TNR: variants seen among roughly 807,000 people sequenced by gnomAD.
TNR encodes tenascin R.
A neutral mutation model predicts 150.4 loss-of-function variants in TNR; 45 were observed. That is an observed-to-expected ratio of 0.30 (90% CI 0.24 to 0.38). The LOEUF (loss-of-function observed/expected upper bound fraction) is 0.38. Ranked by LOEUF, TNR falls within the 10% of genes least tolerant of loss-of-function variation. The probability of loss-of-function intolerance (pLI) is 1.00; values close to 1 mark genes in which losing one functional copy is unlikely to be tolerated. For missense variants in TNR, 1,544 were observed against 1,759.1 expected, an observed-to-expected ratio of 0.88 and a Z score of 2.19; for synonymous variants, 687 against 678.4, an observed-to-expected ratio of 1.01 and a Z score of -0.20.
intron 1 of TNR, among the ~76,000 whole-genome samples, chr1:175,715,133 A>G (rs1667120107): frequency 6.6e-6 from 1 of 152,230 alleles, no homozygotes; most frequent in Non-Finnish European, 1.5e-5. Flanking sequence ...CAGGTTCTGC[A>G]TTTAACAATA....
At chr1:175,571,928 A>G (rs1174031448) in intron 1 of TNR, among the ~76,000 whole-genome samples, 3 of 151,974 alleles carry the variant, frequency 2.0e-5, no homozygotes, top group Non-Finnish European at 4.4e-5. Flanking sequence ...CATGCTTTCC[A>G]TGGAACCAGG....
chr1:175,676,926 C>A (rs1558068036), intron 1 of TNR, among the ~76,000 whole-genome samples: 1 of 152,204 alleles, frequency 6.6e-6, no homozygotes, highest in East Asian at 1.9e-4. Context: ...TCCTGCGACA[C>A]TGGGAGGAGG....
At chr1:175,541,144 G>C (rs1445627147) in intron 1 of TNR, among the ~76,000 whole-genome samples, 2 of 151,894 alleles carry the variant, frequency 1.3e-5, no homozygotes, top group African/African-American at 4.8e-5. Context: ...GACATTCCAG[G>C]GATGGGTTAG....
chr1:175,553,638 T>G (rs1661029969), intron 1 of TNR, among the ~76,000 whole-genome samples: 1 of 152,180 alleles, frequency 6.6e-6, no homozygotes, highest in East Asian at 1.9e-4. Flanking sequence ...GCTCCTCAGT[T>G]CTGCAGCATT....
At chr1:175,527,642 T>C (rs959539731) in intron 2 of TNR, among the ~76,000 whole-genome samples, 10 of 152,202 alleles carry the variant, frequency 6.6e-5, no homozygotes, top group African/African-American at 2.4e-4. Context: ...AGGAGCAAAA[T>C]ATTCACTGTG....
rs57107470 is a variant in TNR, at chr1:175,662,244, G to A, written c.-165+80982C>T. Among the ~76,000 whole-genome samples, 581 of 152,292 alleles carry A rather than the reference G, an allele frequency of 3.8e-3. 1 individual carries two copies. Among genetic ancestry groups the A allele is most frequent in the African/African-American group, 0.013 (553 of 41,550 alleles). ...GTGTTTTCTACATCACCCTATCAGC[G>A]TCTCAAGGCACTCTTCTATATGTCT... On this transcript the variant is annotated intron_variant, in intron 1 of 22. Coordinates refer to ENST00000367674, the MANE Select transcript of TNR (RefSeq NM_003285.3).
intron 9 of TNR, among the ~76,000 whole-genome samples, chr1:175,372,152 C>T (rs1652136865): frequency 6.6e-6 from 1 of 152,172 alleles, no homozygotes; most frequent in African/African-American, 2.4e-5. Context: ...TCCGGCTTCC[C>T]GCATGATTGT....
At chr1:175,544,600 A>G (rs767735076) in intron 1 of TNR, among the ~76,000 whole-genome samples, 19 of 152,240 alleles carry the variant, frequency 1.2e-4, no homozygotes, top group Non-Finnish European at 7.3e-5. Context: ...TCATAAGAAC[A>G]TAGGTATATT....
intron 2 of TNR, among the ~76,000 whole-genome samples, chr1:175,423,851 CAGA>C (rs1321273796): frequency 6.6e-6 from 1 of 152,118 alleles, no homozygotes; most frequent in African/African-American, 2.4e-5. Context: ...GGGTCAGAGC[CAGA>C]AGGAGAGGAG....
intron 1 of TNR, among the ~76,000 whole-genome samples, chr1:175,603,418 T>C (rs927260681): frequency 3.3e-5 from 5 of 152,238 alleles, no homozygotes; most frequent in Middle Eastern, 3.2e-3. Context: ...GAATCATTAA[T>C]AGAGAAATTT....
At position 175,406,303 on chromosome 1, in the gene TNR, G is replaced by A; in HGVS notation, c.412C>T (p.Leu138=). ...ASSAQVLQEL[L]SRIEMLEREV... is the part of the protein sequence containing the mutation. The stretch of plus-strand genomic sequence containing the variant: ...CTCTCCAGCATCTCGATCCGGCTCA[G>A]CAGCTCCTGCAGCACCTGGGCTGAA... The change falls in exon 3 of 23, where the codon CTG becomes TTG. Residue 138 remains leucine, a synonymous_variant. Coordinates refer to ENST00000367674, the MANE Select transcript of TNR (RefSeq NM_003285.3). 1.2e-6 allele frequency: 2 copies of A among 1,614,152 alleles called. No individual in the cohort carries two copies. Among genetic ancestry groups the A allele is most frequent in the South Asian group, 1.1e-5 (1 of 91,078 alleles).
chr1:175,483,250 G>A (rs1345833422), intron 2 of TNR, among the ~76,000 whole-genome samples: 2 of 152,196 alleles, frequency 1.3e-5, no homozygotes, highest in African/African-American at 4.8e-5. Context: ...GAGGTGCAGT[G>A]AGGGCCTAGG....
chr1:175,430,837 C>T (rs1270904435), intron 2 of TNR, among the ~76,000 whole-genome samples: 1 of 152,110 alleles, frequency 6.6e-6, no homozygotes, highest in Non-Finnish European at 1.5e-5. Context: ...AGGGAAACAT[C>T]ATTACTTAAA....
In TNR at chr1:175,320,413, G is replaced by A. The variant is rs1229511229; in HGVS notation, c.*2944C>T. On this transcript the variant is annotated 3_prime_UTR_variant, in exon 23 of 23. Coordinates refer to ENST00000367674, the MANE Select transcript of TNR (RefSeq NM_003285.3). ...AATCCTTTTATAGAGGGTTGAATAAGCTGATCTTTGAAGTCTCTTTCTTGC... is the reference window on the plus strand; with the variant it reads ...AATCCTTTTATAGAGGGTTGAATAAACTGATCTTTGAAGTCTCTTTCTTGC... The A allele has an allele frequency of 1.3e-5, 2 of 152,170 alleles. No individual in the cohort carries two copies. The highest frequency in any genetic ancestry group is 2.4e-5 in the African/African-American group (1 of 41,440). The allele number at this position is 152,170 out of a possible 1,614,324, so 9.4% of individuals were successfully genotyped here. A position where few individuals can be genotyped will look rare whatever the true frequency, so the allele number is the denominator to read the frequency against.
chr1:175,403,743 A>G, intron 3 of TNR, 127 bp from the exon 4 acceptor site: 1 of 778,978 alleles, frequency 1.3e-6, no homozygotes, highest in Non-Finnish European at 2.1e-6. Flanking sequence ...AGTGAAGCTC[A>G]ACGTAGTTTG....
chr1:175,367,666 G>A (rs1651906173), intron 9 of TNR, among the ~76,000 whole-genome samples: 1 of 152,142 alleles, frequency 6.6e-6, no homozygotes, highest in South Asian at 2.1e-4. Flanking sequence ...AATTTCGGGA[G>A]TATGTAATCA....
intron 1 of TNR, among the ~76,000 whole-genome samples, chr1:175,532,037 C>T (rs1014539957): frequency 6.6e-6 from 1 of 152,224 alleles, no homozygotes; most frequent in African/African-American, 2.4e-5. Flanking sequence ...AAGACACCTG[C>T]TGGGCCAGGT....
intron 2 of TNR, among the ~76,000 whole-genome samples, chr1:175,464,748 G>T (rs1017030813): frequency 6.6e-6 from 1 of 152,148 alleles, no homozygotes; most frequent in Middle Eastern, 3.2e-3. Flanking sequence ...GAAAATGCTC[G>T]TTCTAATAGA....
chr1:175,470,828 C>T (rs1401547012), intron 2 of TNR, among the ~76,000 whole-genome samples: 1 of 152,144 alleles, frequency 6.6e-6, no homozygotes, highest in Non-Finnish European at 1.5e-5. Context: ...CTTGTGGACT[C>T]CTGACATTCA....
Sources: gnomAD v4.1 joint callset for allele counts (sites outside exome capture counted in the v4.1 genomes callset) on GRCh38, gnomAD v4.1.1 for gene constraint, MANE v1.5 for transcripts, NCBI Gene and HGNC (gene_info 2026-07-23, HGNC 2026-07-21) for gene names.